The following ELF5 variants were observed in gnomAD, a reference collection of about 807,000 sequenced individuals.
The protein encoded by ELF5 is E74 like ETS transcription factor 5.
A neutral mutation model predicts 38.2 loss-of-function variants in ELF5; 31 were observed. The ratio of observed to expected loss-of-function variants is 0.81; its 90% CI spans 0.61 to 1.10. The LOEUF (loss-of-function observed/expected upper bound fraction) is 1.10. Ranked by LOEUF, ELF5 falls within the 50% of genes least tolerant of loss-of-function variation. ELF5 has a pLI of 0.00. For missense variants in ELF5, 300 were observed against 306.6 expected (o/e 0.98, Z 0.16); for synonymous variants, 121 against 112.5 (o/e 1.08, Z -0.48).
intron 5 of ELF5, among the ~76,000 whole-genome samples, 193 bp from the exon 6 acceptor site, chr11:34,481,160 T>G (rs1442811528): frequency 6.6e-6 from 1 of 151,964 alleles, no homozygotes; most frequent in Non-Finnish European, 1.5e-5. Context: ...GTAGCTGGGA[T>G]TATAGGTGCC....
intron 4 of ELF5, among the ~76,000 whole-genome samples, chr11:34,487,771 G>T (rs117915876): frequency 1.3e-5 from 2 of 151,986 alleles, no homozygotes; most frequent in African/African-American, 4.8e-5. Context: ...GAATCTGAGC[G>T]GTTCAAGATG....
At chr11:34,489,663 A>G (rs552323646) in intron 4 of ELF5, among the ~76,000 whole-genome samples, 1 of 151,678 alleles carries the variant, frequency 6.6e-6, no homozygotes, top group African/African-American at 2.4e-5. Flanking sequence ...AATGTATGAC[A>G]AATGGATACT....
At chr11:34,500,316 T>C (rs989888584) in intron 2 of ELF5, among the ~76,000 whole-genome samples, 1 of 152,186 alleles carries the variant, frequency 6.6e-6, no homozygotes, top group Non-Finnish European at 1.5e-5. Flanking sequence ...AGGGGCACCA[T>C]CAATTGCAGC....
chr11:34,509,846 G>A (rs1850708067), intron 1 of ELF5, among the ~76,000 whole-genome samples: 1 of 152,296 alleles, frequency 6.6e-6, no homozygotes, highest in East Asian at 1.9e-4. Context: ...TGGGAGAAAG[G>A]AGAGGTGAAT....
chr11:34,488,576 C>T (rs1047288674), intron 4 of ELF5, among the ~76,000 whole-genome samples: 2 of 152,200 alleles, frequency 1.3e-5, no homozygotes, highest in South Asian at 4.1e-4. Context: ...TCATCCTTAT[C>T]CTCATCATCA....
At chr11:34,498,813 C>T (rs1417907670) in intron 2 of ELF5, among the ~76,000 whole-genome samples, 1 of 152,132 alleles carries the variant, frequency 6.6e-6, no homozygotes, top group Non-Finnish European at 1.5e-5. Flanking sequence ...ATTTCCAGGT[C>T]GGGTGCAGTG....
intron 2 of ELF5, among the ~76,000 whole-genome samples, chr11:34,500,021 G>A (rs965718949): frequency 6.6e-6 from 1 of 152,230 alleles, no homozygotes; most frequent in Non-Finnish European, 1.5e-5. Flanking sequence ...ACTTAGCCTA[G>A]TATCTGAATG....
intron 3 of ELF5, among the ~76,000 whole-genome samples, chr11:34,491,016 G>A (rs1237919880): frequency 3.9e-5 from 6 of 152,032 alleles, no homozygotes; most frequent in East Asian, 1.9e-4. Context: ...AATACCTACC[G>A]AGCTGGATGG....
chr11:34,509,629 G>A (rs775187051), intron 1 of ELF5, among the ~76,000 whole-genome samples: 75 of 151,918 alleles, frequency 4.9e-4, no homozygotes, highest in Non-Finnish European at 9.9e-4. Context: ...GGGCAGGGAG[G>A]GGGTAGGATG....
rs1336315736 is a variant in ELF5 at position 34,493,513 on chromosome 11, G to A, written c.321C>T (p.Tyr107=). Residue 107 remains tyrosine, a synonymous_variant, in exon 3 of 7, where the codon TAC becomes TAT. Coordinates refer to ENST00000257832, the MANE Select transcript of ELF5 (RefSeq NM_001422.4). ...FVEAAGLCGE[Y]LYFILQNIRT... ...GGATGTTCTGGAGGATGAAGTACAG[G>A]TACTCGCCGCAGAGGCCAGCTGCCT... 3 of 1,614,018 alleles carry A rather than the reference G, an allele frequency of 1.9e-6. No individual in the cohort carries two copies. The highest frequency in any genetic ancestry group is 2.5e-6 in the Non-Finnish European group (3 of 1,179,988).
intron 3 of ELF5, chr11:34,493,102 C>A: frequency 2.7e-6 from 1 of 370,022 alleles, no homozygotes; most frequent in East Asian, 4.4e-5. Flanking sequence ...GGAAGGTAGT[C>A]TATTTAATTT....
Position 34,497,585 on chromosome 11 carries a change from G to A in ELF5, c.122-3873C>T, listed in dbSNP as rs149526833. ...AGCTGGGTGGGTGCACCAGATGCCC[G>A]CAGGGTCAGCAGATAATGTCTATGC... On this transcript the variant is annotated intron_variant, in intron 2 of 6. Transcript: ENST00000257832. Among the ~76,000 whole-genome samples, 506 of 152,306 alleles carry A rather than the reference G, an allele frequency of 3.3e-3. 4 individuals carry two copies. Among genetic ancestry groups the A allele is most frequent in the Non-Finnish European group, 3.2e-3 (215 of 68,020 alleles).
intron 2 of ELF5, among the ~76,000 whole-genome samples, chr11:34,494,515 G>A (rs1850267648): frequency 1.3e-5 from 2 of 152,168 alleles, no homozygotes; most frequent in African/African-American, 2.4e-5. Flanking sequence ...TTTCTATCCT[G>A]AGATCAGAGC....
intron 1 of ELF5, among the ~76,000 whole-genome samples, chr11:34,510,121 C>A (rs1850717281): frequency 6.6e-6 from 1 of 152,142 alleles, no homozygotes; most frequent in South Asian, 2.1e-4. Context: ...CCGGCCTACT[C>A]ACTTGATCTG....
intron 2 of ELF5, among the ~76,000 whole-genome samples, chr11:34,501,717 G>A (rs1298264795): frequency 1.3e-5 from 2 of 152,074 alleles, no homozygotes; most frequent in Non-Finnish European, 2.9e-5. Flanking sequence ...CCTCCTGCCT[G>A]CAGTGCAGCC....
At chr11:34,513,563 G>T (rs1243192738) in intron 1 of ELF5, 114 bp downstream of exon 1, 1 of 152,398 alleles carries the variant, frequency 6.6e-6, no homozygotes, top group African/African-American at 2.4e-5. Context: ...TGCACCCAGC[G>T]CAGGTGCCGG....
At chr11:34,490,896 T>C (rs1850154673) in intron 3 of ELF5, among the ~76,000 whole-genome samples, 1 of 152,108 alleles carries the variant, frequency 6.6e-6, no homozygotes, top group Admixed American at 6.5e-5. Context: ...GAGAACAGGA[T>C]GGGAGATTGA....
intron 4 of ELF5, among the ~76,000 whole-genome samples, chr11:34,483,347 A>G (rs1856983107): frequency 1.3e-5 from 2 of 151,856 alleles, no homozygotes; most frequent in Non-Finnish European, 2.9e-5. Context: ...CATGAAGTTC[A>G]CTGTCTGTCT....
At chr11:34,481,096 C>T in intron 5 of ELF5, 129 bp from the exon 6 acceptor site, 2 of 649,676 alleles carry the variant, frequency 3.1e-6, no homozygotes, top group Non-Finnish European at 4.5e-6. Flanking sequence ...GATCTCGGCT[C>T]ACTGCAACCT....
Sources: gnomAD v4.1 joint callset for allele counts (sites outside exome capture counted in the v4.1 genomes callset) on GRCh38, gnomAD v4.1.1 for gene constraint, MANE v1.5 for transcripts, NCBI Gene and HGNC (gene_info 2026-07-23, HGNC 2026-07-21) for gene names.